ECT2L: variants seen among roughly 807,000 people sequenced by gnomAD.
ECT2L encodes the protein epithelial cell transforming 2 like.
A neutral mutation model predicts 122.8 loss-of-function variants in ECT2L; 126 were observed. The ratio of observed to expected loss-of-function variants is 1.03; its 90% CI spans 0.89 to 1.19. The LOEUF (loss-of-function observed/expected upper bound fraction) is 1.19, where lower values mean the gene tolerates loss of function less well. Ranked by LOEUF, ECT2L falls within the 50% of genes most tolerant of loss-of-function variation. ECT2L has a pLI of 0.00. For missense variants in ECT2L, 1,012 were observed against 1,064.1 expected (o/e 0.95, Z 0.68); for synonymous variants, 385 against 381.8 (o/e 1.01, Z -0.10).
intron 1 of ECT2L, among the ~76,000 whole-genome samples, chr6:138,806,997 T>A (rs1775734594): frequency 6.6e-6 from 1 of 152,182 alleles, no homozygotes; most frequent in Non-Finnish European, 1.5e-5. Flanking sequence ...AGAAAATATA[T>A]TCACTGTTCA....
At chr6:138,896,091 A>AGTTTTGTTT (rs1255944186) in intron 20 of ECT2L, among the ~76,000 whole-genome samples, 2 of 141,886 alleles carry the variant, frequency 1.4e-5, no homozygotes, top group African/African-American at 5.5e-5. Flanking sequence ...TTCATTGCTG[A>AGTTTTGTTT]ATTTTTTTTT....
chr6:138,799,049 T>C (rs945814674), intron 1 of ECT2L, among the ~76,000 whole-genome samples: 3 of 152,342 alleles, frequency 2.0e-5, no homozygotes, highest in South Asian at 2.1e-4. Flanking sequence ...TCCGGGAGTC[T>C]CTCTGAATCT....
chr6:138,880,168 G>C lies in ECT2L; in HGVS notation c.1666-789G>C, dbSNP rs78459228. On this transcript the variant is annotated intron_variant, in intron 14 of 21. Transcript: ENST00000541398. ...AAGCAAATTAGTTAATAATGAAAAG[G>C]TGTCTTCACCTGTTCATGCTGCTGC... 8.5e-3 allele frequency among the ~76,000 whole-genome samples: 1,296 copies of C among 152,240 alleles called. 25 individuals carry two copies. The highest frequency in any genetic ancestry group is 0.029 in the African/African-American group (1,197 of 41,536).
At chr6:138,796,443 C>T (rs1052682111) in intron 1 of ECT2L, among the ~76,000 whole-genome samples, 2 of 152,216 alleles carry the variant, frequency 1.3e-5, no homozygotes, top group African/African-American at 4.8e-5. Flanking sequence ...GCCAAGTAAA[C>T]TCTTACCTCC....
intron 16 of ECT2L, among the ~76,000 whole-genome samples, chr6:138,883,116 C>T (rs1400687103): frequency 1.3e-5 from 2 of 152,210 alleles, no homozygotes; most frequent in Non-Finnish European, 2.9e-5. Context: ...GCCAGGCTTT[C>T]ACCTGCCCCA....
intron 10 of ECT2L, among the ~76,000 whole-genome samples, chr6:138,858,039 G>C (rs1025218036): frequency 6.6e-6 from 1 of 152,062 alleles, no homozygotes; most frequent in African/African-American, 2.4e-5. Flanking sequence ...GAAGAGGATG[G>C]GGGAGATTGC....
At chr6:138,857,204 T>C (rs2128396568) in intron 10 of ECT2L, among the ~76,000 whole-genome samples, 1 of 152,268 alleles carries the variant, frequency 6.6e-6, no homozygotes, top group East Asian at 1.9e-4. Flanking sequence ...GAAACACCTG[T>C]AGTATCTCCT....
In ECT2L at chr6:138,864,987, T is replaced by C. The variant is rs761475679; in HGVS notation, c.1292-9T>C. 6.2e-7 allele frequency: 1 copy of C among 1,604,676 alleles called. No individual in the cohort carries two copies. The highest frequency in any genetic ancestry group is 8.5e-7 in the Non-Finnish European group (1 of 1,174,948). ...AGCCTGCAATAATAACAGAAGAAAA[T>C]CATGTCAGTTCTTAGTGATTGGCTG... On this transcript the variant is annotated splice_polypyrimidine_tract_variant and intron_variant, in intron 11 of 21. Coordinates refer to ENST00000541398, the MANE Select transcript of ECT2L (RefSeq NM_001077706.3).
chr6:138,891,156 C>G (rs1165111765), intron 20 of ECT2L, among the ~76,000 whole-genome samples: 3 of 152,170 alleles, frequency 2.0e-5, no homozygotes, highest in South Asian at 2.1e-4. Flanking sequence ...GATCTTAAGA[C>G]TGATAAAATG....
intron 5 of ECT2L, among the ~76,000 whole-genome samples, chr6:138,839,079 C>T (rs1204782378): frequency 6.6e-6 from 1 of 152,200 alleles, no homozygotes; most frequent in Non-Finnish European, 1.5e-5. Flanking sequence ...CGCACCCGGC[C>T]AAGGAGTTCA....
At chr6:138,885,075 C>T (rs927481661) in intron 16 of ECT2L, among the ~76,000 whole-genome samples, 5 of 127,338 alleles carry the variant, frequency 3.9e-5, no homozygotes, top group Non-Finnish European at 7.8e-5. Flanking sequence ...GTTGCCCAGG[C>T]TGGAGTGCAG....
At chr6:138,807,108 C>A (rs1775738138) in intron 1 of ECT2L, among the ~76,000 whole-genome samples, 1 of 143,752 alleles carries the variant, frequency 7.0e-6, no homozygotes, top group Non-Finnish European at 1.5e-5. Context: ...TTTGCTGTCC[C>A]AGGGGTATTT....
At chr6:138,862,759 A>T in intron 11 of ECT2L, 40 bp downstream of exon 11, 1 of 1,534,312 alleles carries the variant, frequency 6.5e-7, no homozygotes, top group South Asian at 1.1e-5. Flanking sequence ...CCAATAACAC[A>T]AGCCAACTCC....
intron 8 of ECT2L, among the ~76,000 whole-genome samples, chr6:138,847,857 C>T (rs553143168): frequency 8.5e-5 from 13 of 152,222 alleles, no homozygotes; most frequent in Non-Finnish European, 1.5e-4. Flanking sequence ...TTAGTCTGTT[C>T]TCACACTGCT....
intron 7 of ECT2L, 94 bp downstream of exon 7, chr6:138,844,674 T>A: frequency 8.3e-7 from 1 of 1,205,966 alleles, no homozygotes; most frequent in Non-Finnish European, 1.2e-6. Flanking sequence ...AAATCTTGTG[T>A]AATTCTGTGG....
chr6:138,843,379 C>A, intron 6 of ECT2L, 148 bp downstream of exon 6: 1 of 742,950 alleles, frequency 1.3e-6, no homozygotes. Flanking sequence ...TTTTTCCGTA[C>A]TGTATATTTC....
At chr6:138,871,830 AAAC>A (rs887315050) in intron 13 of ECT2L, among the ~76,000 whole-genome samples, 6 of 151,856 alleles carry the variant, frequency 4.0e-5, no homozygotes, top group Non-Finnish European at 7.4e-5. Flanking sequence ...AAAAAAAACA[AAAC>A]AACAACAACA....
At chr6:138,879,195 CT>C in intron 14 of ECT2L, 1 of 303,686 alleles carries the variant, frequency 3.3e-6, no homozygotes, top group Non-Finnish European at 6.6e-6. Context: ...TCACAATAGG[CT>C]TTCATTAGTT....
chr6:138,843,633 AAG>A (rs1294415324), intron 6 of ECT2L, among the ~76,000 whole-genome samples: 7 of 152,250 alleles, frequency 4.6e-5, no homozygotes, highest in Non-Finnish European at 1.0e-4. Context: ...AAAAGGGAGA[AAG>A]AGGACAGCTC....
Sources: gnomAD v4.1 joint callset for allele counts (sites outside exome capture counted in the v4.1 genomes callset) on GRCh38, gnomAD v4.1.1 for gene constraint, MANE v1.5 for transcripts, NCBI Gene and HGNC (gene_info 2026-07-23, HGNC 2026-07-21) for gene names.